Variants in GALNT17 observed in about 807,000 individuals in gnomAD.
GALNT17 encodes the protein polypeptide N-acetylgalactosaminyltransferase 17, also known as UDP-GalNAc:polypeptide N-acetylgalactosaminyltransferase-like 3.
In GALNT17, 29 loss-of-function variants were observed where a neutral mutation model predicts 63.7. The ratio of observed to expected loss-of-function variants is 0.46; its 90% CI spans 0.34 to 0.62. The LOEUF is 0.62. Ranked by LOEUF, GALNT17 falls within the 20% of genes least tolerant of loss-of-function variation. GALNT17 has a pLI of 0.01. For synonymous variants in GALNT17, 305 were observed against 318.3 expected (o/e 0.96, Z 0.45); for missense variants, 603 against 799.6 (o/e 0.75, Z 2.97).
At chr7:71,578,975 C>T (rs1050241878) in intron 6 of GALNT17, among the ~76,000 whole-genome samples, 3 of 152,210 alleles carry the variant, frequency 2.0e-5, no homozygotes, top group African/African-American at 4.8e-5. Flanking sequence ...AAATTTGCTA[C>T]ATCCATTGAA....
chr7:71,469,111 A>G (rs1563115920), intron 5 of GALNT17, among the ~76,000 whole-genome samples: 1 of 152,082 alleles, frequency 6.6e-6, no homozygotes, highest in Non-Finnish European at 1.5e-5. Context: ...AAGTGAAGGC[A>G]CAGCAGAGGA....
chr7:71,444,230 C>T (rs2116527366), intron 5 of GALNT17, among the ~76,000 whole-genome samples: 1 of 152,278 alleles, frequency 6.6e-6, no homozygotes, highest in East Asian at 1.9e-4. Context: ...CTGCAAACAC[C>T]TGAGCCTTGG....
intron 1 of GALNT17, among the ~76,000 whole-genome samples, chr7:71,168,155 G>A (rs1788479600): frequency 1.3e-5 from 2 of 152,104 alleles, no homozygotes; most frequent in Admixed American, 1.3e-4. Flanking sequence ...GTAGGGTTTT[G>A]GACTCTGTAT....
At chr7:71,395,525 T>TTAGG (rs1353309070) in intron 3 of GALNT17, among the ~76,000 whole-genome samples, 1 of 152,238 alleles carries the variant, frequency 6.6e-6, no homozygotes, top group Non-Finnish European at 1.5e-5. Flanking sequence ...TTTGGGGCTA[T>TTAGG]TAGGGATAAT....
At chr7:71,269,496 C>T (rs149282211) in intron 1 of GALNT17, among the ~76,000 whole-genome samples, 1 of 152,136 alleles carries the variant, frequency 6.6e-6, no homozygotes, top group Non-Finnish European at 1.5e-5. Flanking sequence ...TTCCCTTGCT[C>T]TGTCTTCTCC....
chr7:71,145,806 A>G (rs1477147248), intron 1 of GALNT17, among the ~76,000 whole-genome samples: 8 of 152,074 alleles, frequency 5.3e-5, no homozygotes, highest in Non-Finnish European at 5.9e-5. Context: ...CCTGGGTTCA[A>G]ATGATTCTCC....
At chr7:71,286,055 C>T (rs2115784245) in intron 1 of GALNT17, among the ~76,000 whole-genome samples, 1 of 152,284 alleles carries the variant, frequency 6.6e-6, no homozygotes, top group East Asian at 1.9e-4. Context: ...TCCCCCAGCC[C>T]CTACTTGGGG....
intron 1 of GALNT17, among the ~76,000 whole-genome samples, chr7:71,195,261 G>A (rs575670471): frequency 2.0e-5 from 3 of 152,068 alleles, no homozygotes; most frequent in African/African-American, 7.2e-5. Context: ...TGTTGCCCAC[G>A]CTGGAGTGCA....
intron 5 of GALNT17, among the ~76,000 whole-genome samples, chr7:71,526,293 T>G (rs1309702718): frequency 3.3e-5 from 5 of 152,174 alleles, no homozygotes; most frequent in Non-Finnish European, 7.3e-5. Context: ...TTTCCTTTTC[T>G]CTGTCAAAAA....
intron 8 of GALNT17, among the ~76,000 whole-genome samples, 173 bp from the exon 9 acceptor site, chr7:71,677,038 T>C (rs554651645): frequency 6.3e-4 from 96 of 152,236 alleles, no homozygotes; most frequent in Non-Finnish European, 7.8e-4. Flanking sequence ...CCTTAAGACT[T>C]GATCTTTCTT....
chr7:71,428,601 G>T (rs1478697233), intron 5 of GALNT17, among the ~76,000 whole-genome samples: 2 of 152,014 alleles, frequency 1.3e-5, no homozygotes, highest in African/African-American at 4.8e-5. Flanking sequence ...ACCATGCCCA[G>T]CTAATTTTTG....
chr7:71,648,363 T>C (rs1326343840), intron 6 of GALNT17, among the ~76,000 whole-genome samples: 1 of 151,864 alleles, frequency 6.6e-6, no homozygotes, highest in African/African-American at 2.4e-5. Flanking sequence ...CTGGAACTCC[T>C]GGGATCAAAC....
At chr7:71,474,181 A>AT (rs1787685973) in intron 5 of GALNT17, among the ~76,000 whole-genome samples, 3 of 152,212 alleles carry the variant, frequency 2.0e-5, no homozygotes, top group Non-Finnish European at 4.4e-5. Context: ...TGTCTTTAGC[A>AT]TGCTAATGCA....
rs774743478 is a variant in GALNT17 at position 71,416,082 on chromosome 7, C to G, written c.764+19C>G. The G allele has an allele frequency of 1.3e-6, 2 of 1,594,584 alleles. No individual in the cohort carries two copies. Among genetic ancestry groups the G allele is most frequent in the Non-Finnish European group, 1.7e-6 (2 of 1,170,450 alleles). The stretch of plus-strand genomic sequence containing the variant: ...CTGGCTGGTAGGTCATGAGCTGAAA[C>G]TCAGGGGTGCTCAAGACCTGCATTG... On this transcript the variant is annotated intron_variant, in intron 4 of 10. Coordinates refer to ENST00000333538, the MANE Select transcript of GALNT17 (RefSeq NM_022479.3).
At chr7:71,306,714 A>G (rs1791306194) in intron 1 of GALNT17, among the ~76,000 whole-genome samples, 1 of 152,200 alleles carries the variant, frequency 6.6e-6, no homozygotes, top group Non-Finnish European at 1.5e-5. Context: ...TTGTTTATTC[A>G]TCTGTTGATG....
intron 6 of GALNT17, among the ~76,000 whole-genome samples, chr7:71,612,464 T>C (rs191607147): frequency 4.6e-5 from 7 of 152,192 alleles, no homozygotes; most frequent in African/African-American, 1.4e-4. Context: ...CGAAATTAGT[T>C]AAAGGAATGC....
At chr7:71,397,285 A>G (rs1354701411) in intron 3 of GALNT17, among the ~76,000 whole-genome samples, 9 of 152,198 alleles carry the variant, frequency 5.9e-5, no homozygotes, top group Admixed American at 3.3e-4. Context: ...GGGACTCACC[A>G]TAGTGGGCTA....
chr7:71,517,385 A>G (rs1562672674), intron 5 of GALNT17, among the ~76,000 whole-genome samples: 1 of 152,146 alleles, frequency 6.6e-6, no homozygotes, highest in Non-Finnish European at 1.5e-5. Context: ...CACTACCATT[A>G]TACTGGGTGT....
Position 71,343,477 on chromosome 7 carries a change from C to T in GALNT17, c.422+7744C>T, listed in dbSNP as rs531365728. Reference sequence around the variant, plus strand: ...GATTAACCATTTGTTTGTCACATTTCAGGCAAATGAATTCCAAAATGCTGT... The same window carrying T: ...GATTAACCATTTGTTTGTCACATTTTAGGCAAATGAATTCCAAAATGCTGT... On this transcript the variant is annotated intron_variant, in intron 2 of 10. Coordinates refer to ENST00000333538, the MANE Select transcript of GALNT17 (RefSeq NM_022479.3). Among the ~76,000 whole-genome samples the T allele has an allele frequency of 6.6e-5, 10 of 152,298 alleles. No homozygotes were observed. In the East Asian group the frequency reaches 1.7e-3, roughly 26 times the overall value.
Sources: allele counts gnomAD v4.1 joint callset (sites outside exome capture counted in the v4.1 genomes callset), GRCh38; gene constraint gnomAD v4.1.1; transcripts MANE v1.5; gene names NCBI Gene and HGNC (gene_info 2026-07-23, HGNC 2026-07-21).